Variants in SCFD2 observed in about 807,000 individuals in gnomAD.
SCFD2 encodes the protein sec1 family domain-containing protein 2.
Under a neutral mutation model 58.9 loss-of-function variants are expected in SCFD2, and 54 were observed. The observed-to-expected ratio is 0.92, with a 90% CI of 0.74 to 1.15. The LOEUF (loss-of-function observed/expected upper bound fraction) is 1.15. Among genes scored for constraint, SCFD2 ranks in the 50% most tolerant of loss-of-function variants. The pLI is 0.00. For synonymous variants in SCFD2, 321 were observed against 335.9 expected, an observed-to-expected ratio of 0.96 and a Z score of 0.49; for missense variants, 805 against 836.6, an observed-to-expected ratio of 0.96 and a Z score of 0.47.
At chr4:53,361,277 CTT>C (rs1488685224) in intron 1 of SCFD2, among the ~76,000 whole-genome samples, 2 of 152,208 alleles carry the variant, frequency 1.3e-5, no homozygotes, top group African/African-American at 2.4e-5. Context: ...CTAACTAACT[CTT>C]ATGCTTTTTT....
rs1721467181 is a variant in SCFD2 at position 52,985,449 on chromosome 4, A to T, written c.1562-64579T>A. 2.0e-5 allele frequency among the ~76,000 whole-genome samples: 3 copies of T among 152,300 alleles called. No homozygotes were observed. In the South Asian group the frequency reaches 6.2e-4, roughly 32 times the overall value. On this transcript the variant is annotated intron_variant, in intron 5 of 8. Coordinates refer to ENST00000401642, the MANE Select transcript of SCFD2 (RefSeq NM_152540.4). ...ATAGAAGGCTTTCAAGTTATTGAGG[A>T]TCCCAAATGCATTTATAATAAAATG...
chr4:53,215,060 G>A (rs146850664), intron 4 of SCFD2, among the ~76,000 whole-genome samples: 19,949 of 152,068 alleles, frequency 0.13, 1,489 homozygotes, highest in East Asian at 0.24. Flanking sequence ...CTGTAGCCTT[G>A]TAGTATAGTT....
intron 4 of SCFD2, among the ~76,000 whole-genome samples, chr4:53,161,609 T>TA (rs1726854263): frequency 6.6e-6 from 1 of 152,172 alleles, no homozygotes; most frequent in Non-Finnish European, 1.5e-5. Context: ...GAAATGATGT[T>TA]ATGCTGTGCT....
At chr4:52,972,572 A>C (rs1721134011) in intron 5 of SCFD2, among the ~76,000 whole-genome samples, 1 of 152,156 alleles carries the variant, frequency 6.6e-6, no homozygotes, top group South Asian at 2.1e-4. Context: ...ATAGTGGGAG[A>C]CTTTAACACC....
chr4:52,895,269 C>T (rs1232942185), intron 7 of SCFD2, among the ~76,000 whole-genome samples: 1 of 152,054 alleles, frequency 6.6e-6, no homozygotes, highest in African/African-American at 2.4e-5. Flanking sequence ...GTGCTGCACC[C>T]ATTAACTCAT....
At chr4:53,166,636 T>A (rs1727018254) in intron 4 of SCFD2, among the ~76,000 whole-genome samples, 1 of 152,170 alleles carries the variant, frequency 6.6e-6, no homozygotes, top group Admixed American at 6.5e-5. Flanking sequence ...AGAAAGATTA[T>A]GGTAACCTGA....
At chr4:53,271,754 C>T (rs1481767678) in intron 4 of SCFD2, among the ~76,000 whole-genome samples, 1 of 152,138 alleles carries the variant, frequency 6.6e-6, no homozygotes, top group Admixed American at 6.6e-5. Flanking sequence ...TGAGCCACTG[C>T]ACCCAGCCCA....
chr4:53,159,309 C>T (rs1191822765), intron 4 of SCFD2, among the ~76,000 whole-genome samples: 4 of 152,242 alleles, frequency 2.6e-5, no homozygotes, highest in Admixed American at 2.0e-4. Flanking sequence ...GATTACTTGT[C>T]GAAGATATCA....
At chr4:53,323,408 G>A (rs1373045244) in intron 2 of SCFD2, among the ~76,000 whole-genome samples, 2 of 151,906 alleles carry the variant, frequency 1.3e-5, no homozygotes, top group Non-Finnish European at 2.9e-5. Flanking sequence ...GGGTCTCCCT[G>A]TGTAGCCCAG....
intron 4 of SCFD2, among the ~76,000 whole-genome samples, chr4:53,213,953 G>A (rs973781465): frequency 5.9e-5 from 9 of 151,984 alleles, no homozygotes; most frequent in African/African-American, 2.2e-4. Flanking sequence ...ATGGTTTCCA[G>A]CTTCATCCCT....
intron 3 of SCFD2, among the ~76,000 whole-genome samples, chr4:53,302,208 T>C (rs1732334568): frequency 6.6e-6 from 1 of 152,166 alleles, no homozygotes; most frequent in African/African-American, 2.4e-5. Flanking sequence ...AAACCCATCA[T>C]CTGAGCCCAA....
chr4:52,997,821 C>A (rs1721778490), intron 5 of SCFD2, among the ~76,000 whole-genome samples: 1 of 152,162 alleles, frequency 6.6e-6, no homozygotes, highest in Admixed American at 6.5e-5. Context: ...TCTTCTATGC[C>A]TATATCCCTG....
chr4:53,047,323 C>T (rs760811516), intron 5 of SCFD2, among the ~76,000 whole-genome samples: 11 of 152,234 alleles, frequency 7.2e-5, no homozygotes, highest in African/African-American at 1.9e-4. Flanking sequence ...TGGCATGTGC[C>T]GTAGTCCCCA....
intron 5 of SCFD2, among the ~76,000 whole-genome samples, chr4:52,940,880 T>G (rs767811061): frequency 1.3e-5 from 2 of 152,144 alleles, no homozygotes; most frequent in Admixed American, 6.5e-5. Context: ...GGAGGACTGG[T>G]TAAGACCCTT....
intron 4 of SCFD2, among the ~76,000 whole-genome samples, chr4:53,250,015 A>G (rs1349585498): frequency 2.0e-5 from 3 of 152,206 alleles, no homozygotes; most frequent in African/African-American, 7.2e-5. Flanking sequence ...CAAATTGGAT[A>G]AAGAGTCAAG....
intron 3 of SCFD2, among the ~76,000 whole-genome samples, chr4:53,278,838 G>C (rs1194672756): frequency 7.0e-6 from 1 of 142,684 alleles, no homozygotes; most frequent in Non-Finnish European, 1.5e-5. Flanking sequence ...AAATCCCTAA[G>C]AGGCTAACTG....
At chr4:52,909,170 A>C (rs1371151924) in intron 6 of SCFD2, among the ~76,000 whole-genome samples, 3 of 152,234 alleles carry the variant, frequency 2.0e-5, no homozygotes, top group Admixed American at 6.5e-5. Context: ...TCAATATTAC[A>C]GATGCATTCA....
At chr4:52,925,981 C>G (rs1719853875) in intron 5 of SCFD2, among the ~76,000 whole-genome samples, 1 of 152,144 alleles carries the variant, frequency 6.6e-6, no homozygotes, top group Non-Finnish European at 1.5e-5. Flanking sequence ...CTATTCCCCC[C>G]TCACTCTTCT....
At chr4:53,133,442 T>A (rs543254106) in intron 5 of SCFD2, among the ~76,000 whole-genome samples, 2 of 152,332 alleles carry the variant, frequency 1.3e-5, no homozygotes, top group East Asian at 3.9e-4. Flanking sequence ...AAAAATGCTT[T>A]GTTTGAAAGA....
Sources: gnomAD v4.1 joint callset for allele counts (sites outside exome capture counted in the v4.1 genomes callset) on GRCh38, gnomAD v4.1.1 for gene constraint, MANE v1.5 for transcripts, NCBI Gene and HGNC (gene_info 2026-07-23, HGNC 2026-07-21) for gene names.